The following GLB1L variants were observed in gnomAD, a reference collection of about 807,000 sequenced individuals.
GLB1L encodes the protein beta-galactosidase-1-like protein.
GLB1L carries 58 observed loss-of-function variants against 75.7 expected under a neutral mutation model. The observed-to-expected ratio is 0.77, with a 90% confidence interval of 0.62 to 0.95. GLB1L has a LOEUF of 0.95. GLB1L is among the 40% of genes least tolerant of loss of function. The probability of loss-of-function intolerance (pLI) is 0.00; values close to 1 mark genes in which losing one functional copy is unlikely to be tolerated. For synonymous variants in GLB1L, 296 were observed against 303.0 expected, an observed-to-expected ratio of 0.98 and a Z score of 0.24; for missense variants, 797 against 805.5, an observed-to-expected ratio of 0.99 and a Z score of 0.13.
chr2:219,237,526 G>A lies in GLB1L; in HGVS notation c.1675C>T (p.Pro559Ser), dbSNP rs760465253. 7.9e-5 allele frequency: 127 copies of A among 1,613,874 alleles called. No individual in the cohort carries two copies. The highest frequency in any genetic ancestry group is 1.1e-4 in the Non-Finnish European group (125 of 1,179,940). ...GSVGDTFLYL[P>S]GWTKGQVWIN... Reference sequence around the variant, plus strand: ...ATTACCAATACCTTGGTCCATCCAGGTAGATATAGAAATGTGTCCCCAACT... The same window carrying A: ...ATTACCAATACCTTGGTCCATCCAGATAGATATAGAAATGTGTCCCCAACT... Residue 559 changes from proline to serine, a missense_variant, in exon 16 of 17, where the codon CCT (proline) becomes TCT (serine). By Grantham distance (74) the Pro-to-Ser change is moderately conservative. Coordinates refer to ENST00000295759, the MANE Select transcript of GLB1L (RefSeq NM_001286423.2).
At chr2:219,243,125 C>T (rs748893935) in intron 3 of GLB1L, 23 bp downstream of exon 3, 5 of 1,582,508 alleles carry the variant, frequency 3.2e-6, no homozygotes, top group African/African-American at 1.4e-5. Flanking sequence ...CATCCCTCCG[C>T]GGCTCTTGCG....
At chr2:219,243,103 A>C in intron 3 of GLB1L, 45 bp downstream of exon 3, 1 of 1,566,046 alleles carries the variant, frequency 6.4e-7, no homozygotes, top group Non-Finnish European at 8.7e-7. Flanking sequence ...GGGCGGTAGA[A>C]AAAGTAGATC....
chr2:219,242,481 T>G lies in GLB1L; in HGVS notation c.451+33A>C, dbSNP rs201102957. Reference sequence around the variant, plus strand: ...ACCCAAATAGCCCATTTTACTTACTTGCTTCTGTGTTAAATCCTTTGTCTC... The same window carrying G: ...ACCCAAATAGCCCATTTTACTTACTGGCTTCTGTGTTAAATCCTTTGTCTC... On this transcript the variant is annotated intron_variant, in intron 5 of 16. Transcript: ENST00000295759. 26 of 1,549,080 alleles carry G rather than the reference T, an allele frequency of 1.7e-5. No individual in the cohort carries two copies. The East Asian group carries it at 5.4e-4, about 32-fold the overall frequency.
At position 219,239,660 on chromosome 2, in the gene GLB1L, C is replaced by A. The variant is rs1951338095; in HGVS notation, c.803G>T (p.Gly268Val). 5.6e-6 allele frequency: 9 copies of A among 1,614,062 alleles called. No homozygotes were observed. The highest frequency in any genetic ancestry group is 1.3e-5 in the African/African-American group (1 of 74,896). Residue 268 changes from glycine to valine, a missense_variant, in exon 9 of 17, where the codon GGC becomes GTC. Physicochemically the swap from Gly to Val is moderately radical, Grantham distance 109 (BLOSUM62 -3). Transcript: ENST00000295759. ...ATTCTGGCCCCAGTAATCCAGCCAGCCTGTGTAGTACTCAGAGTTTACCTA... is the reference window on the plus strand; with the variant it reads ...ATTCTGGCCCCAGTAATCCAGCCAGACTGTGTAGTACTCAGAGTTTACCTA... Reference protein sequence around the residue: ...GPLVNSEYYTGWLDYWGQNHS... With the variant: ...GPLVNSEYYTVWLDYWGQNHS...
At chr2:219,243,446 G>A in intron 2 of GLB1L, 56 bp downstream of exon 2, 5 of 1,602,024 alleles carry the variant, frequency 3.1e-6, no homozygotes, top group Admixed American at 1.7e-5. Flanking sequence ...TCTCTCATCC[G>A]CTGGATCTGA....
At chr2:219,239,039 C>T (rs1951322029) in intron 11 of GLB1L, 53 bp downstream of exon 11, 1 of 1,264,016 alleles carries the variant, frequency 7.9e-7, no homozygotes, top group South Asian at 1.2e-5. Context: ...TGTGGGCACT[C>T]CCTTCCTCCA....
chr2:219,244,627 G>A (rs1031030573), intron 1 of GLB1L, among the ~76,000 whole-genome samples: 1 of 152,186 alleles, frequency 6.6e-6, no homozygotes, highest in African/African-American at 2.4e-5. Flanking sequence ...GCCAAAGCTC[G>A]AAAATCTGTG....
At position 219,237,119 on chromosome 2, in the gene GLB1L, C is replaced by T; in HGVS notation, c.1918G>A (p.Ala640Thr). The change falls in exon 17 of 17, where the codon GCT becomes ACT. Residue 640 changes from alanine to threonine, a missense_variant. Coordinates refer to ENST00000295759, the MANE Select transcript of GLB1L (RefSeq NM_001286423.2). ...LHRTHINSLS[A>T]DTLSASEPME... ...GGTTCAGAGGCACTCAGTGTATCAG[C>T]TGAAAGGGAATTGATATGTGTCCTG... 1 of 1,613,356 alleles carries T rather than the reference C, an allele frequency of 6.2e-7. No individual in the cohort carries two copies. The highest frequency in any genetic ancestry group is 8.5e-7 in the Non-Finnish European group (1 of 1,179,336).
At chr2:219,243,112 T>G (rs1022879364) in intron 3 of GLB1L, 36 bp downstream of exon 3, 2 of 1,572,866 alleles carry the variant, frequency 1.3e-6, no homozygotes, top group Admixed American at 3.6e-5. Flanking sequence ...AAAAAGTAGA[T>G]CCCATCCCTC....
At chr2:219,239,729 G>C in intron 8 of GLB1L, 46 bp downstream of exon 8, 1 of 1,614,182 alleles carries the variant, frequency 6.2e-7, no homozygotes, top group Non-Finnish European at 8.5e-7. Flanking sequence ...AACTGAGCTG[G>C]ACCCATTCCT....
At position 219,237,151 on chromosome 2, in the gene GLB1L, G is replaced by A. The variant is rs1951267690; in HGVS notation, c.1886C>T (p.Thr629Ile). ...GGAATTGATATGTGTCCTGTGCAAA[G>A]TACTAGTGCTATTGAGGATAGGCTT... ...LDKPILNSTS[T>I]LHRTHINSLS... Residue 629 changes from threonine to isoleucine, a missense_variant, in exon 17 of 17, where the codon ACT becomes ATT. Physicochemically the swap from Thr to Ile is moderately conservative, Grantham distance 89. Coordinates refer to ENST00000295759, the MANE Select transcript of GLB1L (RefSeq NM_001286423.2). The A allele has an allele frequency of 1.9e-6, 3 of 1,613,966 alleles. No homozygotes were observed. The highest frequency in any genetic ancestry group is 3.3e-5 in the Admixed American group (2 of 59,990).
In GLB1L at chr2:219,240,239, C is replaced by T. The variant is rs770960647; in HGVS notation, c.498G>A (p.Lys166=). The change falls in exon 6 of 17, where the codon AAG becomes AAA. Residue 166 remains lysine (K), a synonymous_variant. Coordinates refer to ENST00000295759, the MANE Select transcript of GLB1L (RefSeq NM_001286423.2). ...CATTGTGATAAAGCCATGGATATAT[C>T]TTGGGCAGCAAGACCTTGAACCAGG... ...VDSWFKVLLP[K]IYPWLYHNGG... 2 of 1,614,214 alleles carry T rather than the reference C, an allele frequency of 1.2e-6. No homozygotes were observed. The highest frequency in any genetic ancestry group is 2.2e-5 in the South Asian group (2 of 91,088).
At chr2:219,238,188 A>C in intron 14 of GLB1L, 62 bp downstream of exon 14, 1 of 1,252,656 alleles carries the variant, frequency 8.0e-7, no homozygotes, top group Non-Finnish European at 1.1e-6. Flanking sequence ...GGGGAACTTA[A>C]GGCTAACGCT....
At chr2:219,242,642 G>C in intron 4 of GLB1L, 68 bp from the exon 5 acceptor site, 1 of 1,533,188 alleles carries the variant, frequency 6.5e-7, no homozygotes, top group East Asian at 2.2e-5. Context: ...GGGAAGCTAG[G>C]AAGGGAAGGA....
In GLB1L at chr2:219,245,330, G is replaced by A. The variant is rs1396127720; in HGVS notation, c.-172C>T. 6.6e-6 allele frequency: 1 copy of A among 152,414 alleles called. No homozygotes were observed. Among genetic ancestry groups the A allele is most frequent in the Non-Finnish European group, 1.5e-5 (1 of 68,138 alleles). The allele number at this position is 152,414 out of a possible 1,614,324, so 9.4% of individuals were successfully genotyped here. The stretch of plus-strand genomic sequence containing the variant: ...CGTCTTGACCCCCACCGAAGGCCAA[G>A]TAGAGAACCCTCACCAGGGTCCTGG... On this transcript the variant is annotated 5_prime_UTR_variant, in exon 1 of 17. Transcript: ENST00000295759.
intron 5 of GLB1L, among the ~76,000 whole-genome samples, chr2:219,240,802 CG>C (rs576844545): frequency 9.0e-4 from 136 of 151,700 alleles, no homozygotes; most frequent in African/African-American, 3.1e-3. Flanking sequence ...AGGGGATGGC[CG>C]GGTGTGGTGG....
In GLB1L at chr2:219,237,277, T is replaced by C. The variant is rs750224228; in HGVS notation, c.1760A>G (p.Tyr587Cys). The C allele has an allele frequency of 6.2e-6, 10 of 1,614,202 alleles. No homozygotes were observed. In the South Asian group the frequency reaches 7.7e-5, roughly 12 times the overall value. The change falls in exon 17 of 17, where the codon TAC (tyrosine) becomes TGC (cysteine). Residue 587 changes from tyrosine to cysteine, a missense_variant. Physicochemically the swap from Tyr to Cys is radical, Grantham distance 194 (BLOSUM62 -2). Transcript: ENST00000295759. The stretch of plus-strand genomic sequence containing the variant: ...AGGAAACAGCAGGAATCTTGGCACG[T>C]AGAGGGTCTGTTGTGGCCCCTGCTT... The part of the protein sequence containing the change: ...WTKQGPQQTL[Y>C]VPRFLLFPRG...
chr2:219,240,830 C>T (rs1468757950), intron 5 of GLB1L, among the ~76,000 whole-genome samples: 1 of 152,172 alleles, frequency 6.6e-6, no homozygotes, highest in Non-Finnish European at 1.5e-5. Context: ...CCTGTAATCC[C>T]AGCACTTTCT....
Position 219,242,911 on chromosome 2 carries a change from G to C in GLB1L, c.247C>G (p.Pro83Ala). The part of the protein sequence containing the change: ...SGLNAIQFYV[P>A]WNYHEPQPGV... ...GGCTGTGGCTCGTGGTAGTTCCAGG[G>C]CACATAACTGAGAAAGGAAGAGGTT... Residue 83 changes from proline (P) to alanine (A), a missense_variant, in exon 4 of 17, where the codon CCC becomes GCC. Transcript: ENST00000295759. 6.2e-7 allele frequency: 1 copy of C among 1,614,208 alleles called. No homozygotes were observed. Among genetic ancestry groups the C allele is most frequent in the Non-Finnish European group, 8.5e-7 (1 of 1,180,026 alleles).
Sources: allele counts gnomAD v4.1 joint callset (sites outside exome capture counted in the v4.1 genomes callset), GRCh38; gene constraint gnomAD v4.1.1; transcripts MANE v1.5; gene names NCBI Gene and HGNC (gene_info 2026-07-23, HGNC 2026-07-21).